ARHGAP21: variants seen among roughly 807,000 people sequenced by gnomAD.
The protein encoded by ARHGAP21 is rho GTPase-activating protein 21.
ARHGAP21 carries 38 observed loss-of-function variants against 164.6 expected under a neutral mutation model. The observed-to-expected ratio is 0.23, with a 90% CI of 0.18 to 0.30. The LOEUF (loss-of-function observed/expected upper bound fraction) is 0.30. ARHGAP21 is among the 10% of genes least tolerant of loss of function. The pLI is 1.00. For synonymous variants in ARHGAP21, 766 were observed against 857.9 expected, an observed-to-expected ratio of 0.89 and a Z score of 1.87; for missense variants, 1,822 against 2,370.7, an observed-to-expected ratio of 0.77 and a Z score of 4.81.
rs188983544 is a variant in ARHGAP21, at chr10:24,634,016, G to C, written c.362-536C>G. Among the ~76,000 whole-genome samples the C allele has an allele frequency of 1.5e-3, 227 of 148,240 alleles. 5 individuals are homozygous for C. The East Asian group carries it at 0.038, about 25-fold the overall frequency. On this transcript the variant is annotated intron_variant, in intron 5 of 25. Coordinates refer to ENST00000396432, the MANE Select transcript of ARHGAP21 (RefSeq NM_020824.4). ...TCAAGCAATTCTCTTTCTACTCTGAGTAGAGTAGGAAAGGAAAAGACAGAA... is the reference window on the plus strand; with the variant it reads ...TCAAGCAATTCTCTTTCTACTCTGACTAGAGTAGGAAAGGAAAAGACAGAA...
chr10:24,708,989 A>G (rs866315523), intron 2 of ARHGAP21, among the ~76,000 whole-genome samples: 18 of 152,322 alleles, frequency 1.2e-4, no homozygotes, highest in African/African-American at 4.3e-4. Context: ...TACTTCTTTA[A>G]GAAATCTCCA....
At chr10:24,688,388 G>A (rs540732124) in intron 2 of ARHGAP21, among the ~76,000 whole-genome samples, 15 of 151,386 alleles carry the variant, frequency 9.9e-5, no homozygotes, top group African/African-American at 1.5e-4. Flanking sequence ...GAAAGACTCC[G>A]TCTCAAAAAA....
intron 3 of ARHGAP21, among the ~76,000 whole-genome samples, chr10:24,668,449 T>TACAC (rs1404123472): frequency 6.6e-6 from 1 of 152,192 alleles, no homozygotes; most frequent in Non-Finnish European, 1.5e-5. Context: ...GCTGTGTGTG[T>TACAC]GCTCTGCAAT....
intron 9 of ARHGAP21, among the ~76,000 whole-genome samples, chr10:24,611,384 T>A (rs1421610733): frequency 6.6e-6 from 1 of 152,118 alleles, no homozygotes; most frequent in Admixed American, 6.6e-5. Context: ...AGAAAAAGAA[T>A]CTGAGAATGA....
At chr10:24,719,205 T>C (rs1462355523) in intron 2 of ARHGAP21, among the ~76,000 whole-genome samples, 1 of 152,060 alleles carries the variant, frequency 6.6e-6, no homozygotes, top group African/African-American at 2.4e-5. Flanking sequence ...TATAAAAGTA[T>C]ATAAATTCGT....
intron 2 of ARHGAP21, among the ~76,000 whole-genome samples, chr10:24,714,858 G>A (rs952775856): frequency 1.4e-4 from 21 of 151,772 alleles, no homozygotes; most frequent in Admixed American, 4.6e-4. Flanking sequence ...GTGAAACCCC[G>A]TCTCTACTAA....
At chr10:24,590,789 T>TA in intron 24 of ARHGAP21, 1 of 985,324 alleles carries the variant, frequency 1.0e-6, no homozygotes, top group Non-Finnish European at 1.2e-6. Context: ...GTTCAACAGA[T>TA]TTAACTTGCT....
chr10:24,620,835 G>A lies in ARHGAP21; in HGVS notation c.1060C>T (p.His354Tyr). 6.2e-7 allele frequency: 1 copy of A among 1,614,088 alleles called. No individual in the cohort carries two copies. Among genetic ancestry groups the A allele is most frequent in the Non-Finnish European group, 8.5e-7 (1 of 1,179,964 alleles). Residue 354 changes from histidine to tyrosine, a missense_variant, in exon 9 of 26, where the codon CAT (histidine) becomes TAT (tyrosine). His to Tyr is a moderately conservative substitution (Grantham distance 83, BLOSUM62 2). This residue lies in a region of ARHGAP21 where 1,090 missense variants were observed against 1,378.9 expected (regional missense o/e 0.79). Coordinates refer to ENST00000396432, the MANE Select transcript of ARHGAP21 (RefSeq NM_020824.4). ...ILLKSGNYSGHSDGISSSRSQ... is the reference protein window; with the variant it reads ...ILLKSGNYSGYSDGISSSRSQ... ...CTGCTGCTTGAGATTCCATCAGAAT[G>A]TCCACTGTAATTTCCAGACTTAAGT...
At chr10:24,680,680 G>C (rs1458267312) in intron 2 of ARHGAP21, among the ~76,000 whole-genome samples, 1 of 151,914 alleles carries the variant, frequency 6.6e-6, no homozygotes, top group Non-Finnish European at 1.5e-5. Flanking sequence ...TCACAGAAGC[G>C]GAAGATAAAA....
chr10:24,695,049 T>C (rs1843038536), intron 2 of ARHGAP21, among the ~76,000 whole-genome samples: 1 of 14,134 alleles, frequency 7.1e-5, no homozygotes, highest in African/African-American at 3.0e-4. Flanking sequence ...AAATTCCATC[T>C]CAAAAAAAAA....
intron 24 of ARHGAP21, chr10:24,590,513 G>T: frequency 6.5e-7 from 1 of 1,531,148 alleles, no homozygotes; most frequent in Non-Finnish European, 8.7e-7. Flanking sequence ...GCCTGTGTCA[G>T]TAAGAGCTGA....
intron 2 of ARHGAP21, among the ~76,000 whole-genome samples, chr10:24,681,077 CAA>C (rs1439612993): frequency 6.6e-6 from 1 of 152,006 alleles, no homozygotes; most frequent in Non-Finnish European, 1.5e-5. Flanking sequence ...AAAGCAAACT[CAA>C]AGAGGGTGAA....
intron 3 of ARHGAP21, among the ~76,000 whole-genome samples, chr10:24,667,220 G>A (rs1219753081): frequency 6.6e-6 from 1 of 152,158 alleles, no homozygotes; most frequent in Non-Finnish European, 1.5e-5. Context: ...AGTATAGGAA[G>A]TACCTTTTAC....
In ARHGAP21 at chr10:24,584,716, A is replaced by T. The variant is rs749123432; in HGVS notation, c.5573T>A (p.Leu1858Gln). 9.9e-6 allele frequency: 16 copies of T among 1,613,916 alleles called. No individual in the cohort carries two copies. Among genetic ancestry groups the T allele is most frequent in the Non-Finnish European group, 1.3e-5 (15 of 1,179,856 alleles). The change falls in exon 26 of 26, where the codon CTA (leucine) becomes CAA (glutamine). Residue 1858 changes from leucine (L) to glutamine (Q), a missense_variant. Leu to Gln is a moderately radical substitution (Grantham distance 113, BLOSUM62 -2). This residue lies in a region of ARHGAP21 where 165 missense variants were observed against 176.6 expected (regional missense o/e 0.93). Transcript: ENST00000396432. ...GCTAAGGTCAGAGGTACTGGTGCGT[A>T]GGCGTTCCCTGGCCAGCCAGTCTGA... ...SISDWLARER[L>Q]RTSTSDLSRG...
intron 3 of ARHGAP21, among the ~76,000 whole-genome samples, chr10:24,667,707 C>T (rs1440902818): frequency 2.0e-5 from 3 of 151,780 alleles, no homozygotes; most frequent in Non-Finnish European, 2.9e-5. Flanking sequence ...CGGTGAAGGG[C>T]TGATAATTTA....
Position 24,665,500 on chromosome 10 carries a change from A to G in ARHGAP21, c.268+1485T>C, listed in dbSNP as rs555605881. Among the ~76,000 whole-genome samples the G allele has an allele frequency of 2.6e-4, 40 of 152,344 alleles. 1 individual carries two copies. The highest frequency in any genetic ancestry group is 1.2e-3 in the Admixed American group (19 of 15,298). ...GAAGGTCAAAAATATTATGCCTGAC[A>G]AAAGAGTACATGCTGTATTATTTCA... On this transcript the variant is annotated intron_variant, in intron 4 of 25. Transcript: ENST00000396432.
intron 2 of ARHGAP21, among the ~76,000 whole-genome samples, chr10:24,689,618 G>A (rs1041984261): frequency 3.9e-5 from 6 of 152,056 alleles, no homozygotes; most frequent in Non-Finnish European, 5.9e-5. Flanking sequence ...GCACGTGCCT[G>A]TAGTCTCAGC....
At chr10:24,698,317 T>C (rs139519931) in intron 2 of ARHGAP21, among the ~76,000 whole-genome samples, 1 of 152,226 alleles carries the variant, frequency 6.6e-6, no homozygotes, top group African/African-American at 2.4e-5. Flanking sequence ...TCTAATCAGT[T>C]TATAACATAA....
rs566025075 is a variant in ARHGAP21, at chr10:24,584,927, C to T, written c.5362G>A (p.Val1788Met). Residue 1788 changes from valine (V) to methionine (M), a missense_variant, in exon 26 of 26, where the codon GTG becomes ATG. Val to Met is a conservative substitution (Grantham distance 21, BLOSUM62 1). Transcript: ENST00000396432. ...DDMFGVGNHK[V>M]NAETAKRKSI... ...TTCCTTTTAGCAGTCTCGGCATTCACTTTGTGATTCCCTACTCCAAACATG... is the reference window on the plus strand; with the variant it reads ...TTCCTTTTAGCAGTCTCGGCATTCATTTTGTGATTCCCTACTCCAAACATG... The T allele has an allele frequency of 2.8e-5, 45 of 1,613,950 alleles. No individual in the cohort carries two copies. In the South Asian group the frequency reaches 4.6e-4, roughly 17 times the overall value.
Sources: allele counts gnomAD v4.1 joint callset (sites outside exome capture counted in the v4.1 genomes callset), GRCh38; gene constraint gnomAD v4.1.1; regional missense constraint gnomAD v4.1.1; transcripts MANE v1.5; gene names NCBI Gene and HGNC (gene_info 2026-07-23, HGNC 2026-07-21).